FNDC3B: variants seen among roughly 807,000 people sequenced by gnomAD.
FNDC3B encodes the protein fibronectin type III domain-containing protein 3B.
A neutral mutation model predicts 151.5 loss-of-function variants in FNDC3B; 12 were observed. The observed-to-expected ratio is 0.08, with a 90% CI of 0.05 to 0.13. The LOEUF is 0.13. Among genes scored for constraint, FNDC3B ranks in the 10% least tolerant of loss-of-function variants. The probability of loss-of-function intolerance (pLI) is 1.00; values close to 1 mark genes in which losing one functional copy is unlikely to be tolerated. For missense variants in FNDC3B, 1,214 were observed against 1,505.3 expected (o/e 0.81, Z 3.20); for synonymous variants, 528 against 549.0 (o/e 0.96, Z 0.54).
At chr3:172,334,369 G>C (rs1400034832) in intron 14 of FNDC3B, among the ~76,000 whole-genome samples, 1 of 140,142 alleles carries the variant, frequency 7.1e-6, no homozygotes, top group Admixed American at 8.1e-5. Flanking sequence ...CAAACCAGGT[G>C]ATGACATACT....
intron 9 of FNDC3B, among the ~76,000 whole-genome samples, chr3:172,304,604 G>A (rs1731097701): frequency 6.6e-6 from 1 of 152,200 alleles, no homozygotes; most frequent in African/African-American, 2.4e-5. Context: ...GCAGGAAAGA[G>A]GGCCGAGTGA....
At chr3:172,095,102 C>G (rs529145864) in intron 1 of FNDC3B, among the ~76,000 whole-genome samples, 58 of 152,178 alleles carry the variant, frequency 3.8e-4, no homozygotes, top group Middle Eastern at 6.8e-3. Flanking sequence ...TTGACTCAGA[C>G]ACAGTTCTGT....
At chr3:172,076,258 A>G (rs1048754921) in intron 1 of FNDC3B, among the ~76,000 whole-genome samples, 2 of 152,192 alleles carry the variant, frequency 1.3e-5, no homozygotes, top group Non-Finnish European at 2.9e-5. Flanking sequence ...TGTTTGTTCT[A>G]TACATGTGTA....
chr3:172,169,205 C>T (rs540238073), intron 3 of FNDC3B, among the ~76,000 whole-genome samples: 4 of 152,144 alleles, frequency 2.6e-5, no homozygotes, highest in African/African-American at 9.7e-5. Flanking sequence ...GTGCTTTGAA[C>T]CCTTGGAGGA....
At position 172,063,111 on chromosome 3, in the gene FNDC3B, G is replaced by A. The variant is rs192548550; in HGVS notation, c.-29+23340G>A. On this transcript the variant is annotated intron_variant, in intron 1 of 25. Transcript: ENST00000415807. Reference sequence around the variant, plus strand: ...TCTTCCTTGTTAAATACATTTTTTCGTTATATACTTTTGAAGCAAGTCTTG... The same window carrying A: ...TCTTCCTTGTTAAATACATTTTTTCATTATATACTTTTGAAGCAAGTCTTG... Among the ~76,000 whole-genome samples, 50 of 151,786 alleles carry A rather than the reference G, an allele frequency of 3.3e-4. 1 individual carries two copies. In the East Asian group the frequency reaches 7.9e-3, roughly 24 times the overall value.
intron 11 of FNDC3B, among the ~76,000 whole-genome samples, chr3:172,318,738 C>T (rs568999796): frequency 4.6e-5 from 7 of 152,138 alleles, no homozygotes; most frequent in South Asian, 2.1e-4. Flanking sequence ...CCTGCCCAGG[C>T]CCACATGCAC....
chr3:172,337,215 G>A (rs1021250479), intron 15 of FNDC3B, 115 bp from the exon 16 acceptor site: 4 of 635,432 alleles, frequency 6.3e-6, no homozygotes, highest in Admixed American at 3.0e-5. Context: ...TTGCCTTTTG[G>A]TCATGTCTAG....
At chr3:172,349,889 C>T (rs1256216781) in intron 21 of FNDC3B, among the ~76,000 whole-genome samples, 2 of 152,136 alleles carry the variant, frequency 1.3e-5, no homozygotes, top group African/African-American at 4.8e-5. Context: ...CTCCCGACCT[C>T]AGATGATCCA....
chr3:172,205,879 T>C (rs889179774), intron 3 of FNDC3B, among the ~76,000 whole-genome samples: 2 of 152,248 alleles, frequency 1.3e-5, no homozygotes, highest in African/African-American at 4.8e-5. Context: ...CATTGTGGTC[T>C]AGTAGATAGG....
intron 6 of FNDC3B, among the ~76,000 whole-genome samples, chr3:172,260,937 G>C (rs2108789493): frequency 6.6e-6 from 1 of 152,242 alleles, no homozygotes; most frequent in South Asian, 2.1e-4. Context: ...GCTAAAAGGG[G>C]GAGATTTCAG....
intron 6 of FNDC3B, among the ~76,000 whole-genome samples, chr3:172,284,438 C>T (rs1729902695): frequency 1.3e-5 from 2 of 151,924 alleles, no homozygotes; most frequent in Admixed American, 1.3e-4. Context: ...CAGAAGTAAG[C>T]AAGGGAACAA....
chr3:172,136,031 T>TA (rs1010614317), intron 3 of FNDC3B, among the ~76,000 whole-genome samples: 1 of 152,194 alleles, frequency 6.6e-6, no homozygotes, highest in Non-Finnish European at 1.5e-5. Context: ...AGTGTGTAGT[T>TA]ACACATAAGG....
chr3:172,124,370 C>T (rs1057214260), intron 2 of FNDC3B, among the ~76,000 whole-genome samples: 11 of 152,216 alleles, frequency 7.2e-5, no homozygotes, highest in African/African-American at 2.2e-4. Flanking sequence ...GGATTTCGGG[C>T]GTGAGCCACC....
chr3:172,067,438 C>T (rs796720332), intron 1 of FNDC3B, among the ~76,000 whole-genome samples: 60 of 152,214 alleles, frequency 3.9e-4, no homozygotes, highest in African/African-American at 1.3e-3. Flanking sequence ...GCACCAGAGT[C>T]GGACTCTGCT....
intron 3 of FNDC3B, among the ~76,000 whole-genome samples, chr3:172,143,470 A>G (rs564172491): frequency 6.6e-6 from 1 of 152,270 alleles, no homozygotes; most frequent in East Asian, 1.9e-4. Context: ...CAAACTTTGT[A>G]TTTATTTTTG....
At chr3:172,078,939 C>G (rs557983964) in intron 1 of FNDC3B, among the ~76,000 whole-genome samples, 1 of 152,296 alleles carries the variant, frequency 6.6e-6, no homozygotes, top group Non-Finnish European at 1.5e-5. Flanking sequence ...TCTGTTGATA[C>G]AGGTAATAAA....
At chr3:172,212,914 A>G (rs948824044) in intron 3 of FNDC3B, among the ~76,000 whole-genome samples, 3 of 152,230 alleles carry the variant, frequency 2.0e-5, no homozygotes, top group African/African-American at 7.2e-5. Context: ...TGCATATGCT[A>G]TGGTCACAGA....
In FNDC3B at chr3:172,229,084, AACACACACACAC is replaced by A. The variant is rs760446690; in HGVS notation, c.264+2179_264+2190del. Among the ~76,000 whole-genome samples the A allele has an allele frequency of 8.9e-3, 1,043 of 117,850 alleles. 3 individuals are homozygous for A. Among genetic ancestry groups the A allele is most frequent in the Middle Eastern group, 0.017 (4 of 242 alleles). 77.3% of individuals were successfully genotyped at this position (117,850 alleles called of 152,430 possible). A position where few individuals can be genotyped will look rare whatever the true frequency, so the allele number is the denominator to read the frequency against. On this transcript the variant is annotated intron_variant, in intron 4 of 25. Transcript: ENST00000415807. ...TGTCATGCAGTTGTAGAAAGAAAGA[AACACACACACAC>A]ACACACACACACACACACACACACA...
At chr3:172,073,327 A>T (rs1425209240) in intron 1 of FNDC3B, among the ~76,000 whole-genome samples, 1 of 152,182 alleles carries the variant, frequency 6.6e-6, no homozygotes. Context: ...CCCACTTTCC[A>T]TTTGTAATTC....
Sources: gnomAD v4.1 joint callset for allele counts (sites outside exome capture counted in the v4.1 genomes callset) on GRCh38, gnomAD v4.1.1 for gene constraint, MANE v1.5 for transcripts, NCBI Gene and HGNC (gene_info 2026-07-23, HGNC 2026-07-21) for gene names.